AUTS2: variants seen among roughly 807,000 people sequenced by gnomAD.
AUTS2 encodes activator of transcription and developmental regulator AUTS2.
AUTS2 carries 17 observed loss-of-function variants against 112.4 expected under a neutral mutation model. The ratio of observed to expected loss-of-function variants is 0.15; its 90% CI spans 0.10 to 0.23. The LOEUF (loss-of-function observed/expected upper bound fraction) is 0.23, where lower values mean the gene tolerates loss of function less well. AUTS2 is among the 10% of genes least tolerant of loss of function. The pLI is 1.00. For synonymous variants in AUTS2, 751 were observed against 702.7 expected, an observed-to-expected ratio of 1.07 and a Z score of -1.09; for missense variants, 1,510 against 1,701.6, an observed-to-expected ratio of 0.89 and a Z score of 1.98.
chr7:70,265,158 T>C (rs1025738557), intron 4 of AUTS2, among the ~76,000 whole-genome samples: 8 of 152,188 alleles, frequency 5.3e-5, no homozygotes, highest in African/African-American at 1.9e-4. Context: ...AACACAAGGA[T>C]TGAAAAAAAT....
At chr7:70,702,297 G>C (rs926928949) in intron 6 of AUTS2, among the ~76,000 whole-genome samples, 1 of 152,150 alleles carries the variant, frequency 6.6e-6, no homozygotes, top group African/African-American at 2.4e-5. Flanking sequence ...TGTGGCTGTG[G>C]TCTAGGTTAG....
chr7:70,498,250 T>C (rs1208117322), intron 5 of AUTS2, among the ~76,000 whole-genome samples: 4 of 152,192 alleles, frequency 2.6e-5, no homozygotes, highest in Non-Finnish European at 5.9e-5. Flanking sequence ...GCATACTCAT[T>C]GCATGTGTGT....
At chr7:70,282,662 A>G (rs1192952433) in intron 4 of AUTS2, among the ~76,000 whole-genome samples, 1 of 152,228 alleles carries the variant, frequency 6.6e-6, no homozygotes, top group African/African-American at 2.4e-5. Context: ...TTGAGTGGAC[A>G]TAAACATTCA....
intron 1 of AUTS2, among the ~76,000 whole-genome samples, chr7:69,646,360 A>C (rs1436019790): frequency 6.6e-6 from 1 of 152,198 alleles, no homozygotes; most frequent in Non-Finnish European, 1.5e-5. Context: ...TGAAGATTTT[A>C]ATGGGACTAG....
At chr7:70,613,722 G>C (rs1332626759) in intron 5 of AUTS2, among the ~76,000 whole-genome samples, 1 of 152,158 alleles carries the variant, frequency 6.6e-6, no homozygotes, top group Non-Finnish European at 1.5e-5. Flanking sequence ...CCCCTAAATA[G>C]GAGGGGAATG....
At chr7:70,107,399 A>G (rs1804825109) in intron 2 of AUTS2, among the ~76,000 whole-genome samples, 1 of 132,488 alleles carries the variant, frequency 7.5e-6, no homozygotes, top group South Asian at 2.4e-4. Flanking sequence ...GCTGGAGTTC[A>G]GTAGCGTGAT....
rs370860010 is a variant in AUTS2, at chr7:70,757,156, G to A, written c.743-5714G>A. ...AACACTTTGAAAAAAGCAATTTTGT[G>A]GGGGAAGCCATTTCTGAAGGTTTAC... is the stretch of plus-strand genomic sequence containing the variant. On this transcript the variant is annotated intron_variant, in intron 6 of 18. Coordinates refer to ENST00000342771, the MANE Select transcript of AUTS2 (RefSeq NM_015570.4). Among the ~76,000 whole-genome samples the A allele has an allele frequency of 3.3e-5, 5 of 152,288 alleles. No individual in the cohort carries two copies. The East Asian group carries it at 9.7e-4, about 29-fold the overall frequency.
chr7:70,446,460 T>A (rs1309783168), intron 5 of AUTS2, among the ~76,000 whole-genome samples: 2 of 152,214 alleles, frequency 1.3e-5, no homozygotes, highest in African/African-American at 4.8e-5. Flanking sequence ...TGTACCCATT[T>A]TGTGTAGAAA....
rs1563029422 is a variant in AUTS2 at position 70,003,259 on chromosome 7, A to AT, written c.522+103762dup. On this transcript the variant is annotated intron_variant, in intron 2 of 18. Coordinates refer to ENST00000342771, the MANE Select transcript of AUTS2 (RefSeq NM_015570.4). ...ATATGAATATATTATATATGAATAT[A>AT]TAATATATTATATATGTGAATATAT... is the stretch of plus-strand genomic sequence containing the variant. Among the ~76,000 whole-genome samples the AT allele has an allele frequency of 9.7e-5, 12 of 123,664 alleles. 1 individual carries two copies. The highest frequency in any genetic ancestry group is 3.9e-4 in the African/African-American group (11 of 28,516). 81.1% of individuals were successfully genotyped at this position (123,664 alleles called of 152,430 possible). A position where few individuals can be genotyped will look rare whatever the true frequency, so the allele number is the denominator to read the frequency against.
chr7:70,103,258 C>T (rs957649231), intron 2 of AUTS2, among the ~76,000 whole-genome samples: 4 of 152,314 alleles, frequency 2.6e-5, no homozygotes, highest in South Asian at 2.1e-4. Context: ...AATAAAAAGG[C>T]CTGAATGTGA....
intron 5 of AUTS2, among the ~76,000 whole-genome samples, chr7:70,498,560 G>T (rs1266965334): frequency 6.6e-6 from 1 of 152,174 alleles, no homozygotes; most frequent in Non-Finnish European, 1.5e-5. Context: ...AGCAGAGGGT[G>T]TAGGAAGGGA....
At chr7:69,999,991 A>AT (rs1181663535) in intron 2 of AUTS2, among the ~76,000 whole-genome samples, 1 of 152,174 alleles carries the variant, frequency 6.6e-6, no homozygotes, top group Non-Finnish European at 1.5e-5. Context: ...GTGTGTGCAC[A>AT]TGTGCATTTT....
At chr7:69,999,365 C>A (rs1486541894) in intron 2 of AUTS2, among the ~76,000 whole-genome samples, 1 of 152,142 alleles carries the variant, frequency 6.6e-6, no homozygotes, top group African/African-American at 2.4e-5. Context: ...GGTCCTGCTT[C>A]TGTTTCTGCT....
chr7:70,480,331 A>G (rs926681659), intron 5 of AUTS2, among the ~76,000 whole-genome samples: 1 of 152,336 alleles, frequency 6.6e-6, no homozygotes, highest in South Asian at 2.1e-4. Context: ...CTTAAGGGAC[A>G]TATAGAATGT....
chr7:70,040,121 T>C lies in AUTS2; in HGVS notation c.523-78011T>C, dbSNP rs1801182194. ...GAGGATTTTTAGGGCAGTGACTCTG[T>C]ATTACAGTGGGTACATATAATTTTA... On this transcript the variant is annotated intron_variant, in intron 2 of 18. Coordinates refer to ENST00000342771, the MANE Select transcript of AUTS2 (RefSeq NM_015570.4). 2.0e-5 allele frequency among the ~76,000 whole-genome samples: 3 copies of C among 152,040 alleles called. No individual in the cohort carries two copies. The South Asian group carries it at 6.3e-4, about 32-fold the overall frequency.
chr7:70,664,267 A>T (rs748520581), intron 5 of AUTS2, among the ~76,000 whole-genome samples: 9 of 152,222 alleles, frequency 5.9e-5, no homozygotes, highest in Non-Finnish European at 1.2e-4. Flanking sequence ...GCATCAAATG[A>T]TTATGTGGTC....
At chr7:69,632,090 T>A (rs1266897881) in intron 1 of AUTS2, among the ~76,000 whole-genome samples, 1 of 152,198 alleles carries the variant, frequency 6.6e-6, no homozygotes, top group East Asian at 1.9e-4. Flanking sequence ...CCATTTACTT[T>A]GGTATAGTTC....
chr7:70,786,113 T>C (rs1016200892), intron 17 of AUTS2, 75 bp downstream of exon 17: 2 of 1,334,432 alleles, frequency 1.5e-6, no homozygotes, highest in African/African-American at 1.5e-5. Flanking sequence ...TCAAGACCTT[T>C]CTAGAGAAAA....
At chr7:70,304,468 C>T (rs7792451) in intron 4 of AUTS2, among the ~76,000 whole-genome samples, 9 of 152,100 alleles carry the variant, frequency 5.9e-5, no homozygotes, top group Non-Finnish European at 7.4e-5. Context: ...GTGGCAGTGT[C>T]GGCATCAATA....
Sources: gnomAD v4.1 joint callset for allele counts (sites outside exome capture counted in the v4.1 genomes callset) on GRCh38, gnomAD v4.1.1 for gene constraint, MANE v1.5 for transcripts, NCBI Gene and HGNC (gene_info 2026-07-23, HGNC 2026-07-21) for gene names.